Variants in LYRM4 observed in about 807,000 individuals in gnomAD.
LYRM4 encodes the protein LYR motif containing 4, also known as LYR motif-containing protein 4.
LYRM4 carries 9 observed loss-of-function variants against 11.7 expected under a neutral mutation model. The ratio of observed to expected loss-of-function variants is 0.77; its 90% CI spans 0.46 to 1.34. The LOEUF is 1.34. Among genes scored for constraint, LYRM4 ranks in the 40% most tolerant of loss-of-function variants. The pLI is 0.00. For missense variants in LYRM4, 133 were observed against 112.5 expected (o/e 1.18, Z -0.82); for synonymous variants, 42 against 40.4 (o/e 1.04, Z -0.15).
the LYRM4 span, chr6:5,066,030 AT>A: frequency 2.8e-6 from 1 of 355,938 alleles, no homozygotes; most frequent in Admixed American, 3.7e-5. Flanking sequence ...GAAAAAATAT[AT>A]TACAGTTAAT....
intron 1 of LYRM4, among the ~76,000 whole-genome samples, chr6:5,221,983 G>A (rs185877340): frequency 1.3e-5 from 2 of 152,318 alleles, no homozygotes; most frequent in African/African-American, 2.4e-5. Flanking sequence ...TATGGTGTGT[G>A]TATGTGTGTA....
At position 5,245,105 on chromosome 6, in the gene LYRM4, AAAAAAAAAATATATATATATATATATAT is replaced by A. The variant is rs1421876764; in HGVS notation, c.86+15515_86+15542del. ...GGAAGACCTTAAAAAAAAAAAAAAAAAAAAAAAAATATATATATATATATATATATATATATATATATATATATATATA... is the reference window on the plus strand; with the variant it reads ...GGAAGACCTTAAAAAAAAAAAAAAAAATATATATATATATATATATATATA... On this transcript the variant is annotated intron_variant, in intron 1 of 2. Transcript: ENST00000330636. Among the ~76,000 whole-genome samples the A allele has an allele frequency of 8.9e-3, 507 of 56,782 alleles. 18 individuals are homozygous for A. Among genetic ancestry groups the A allele is most frequent in the African/African-American group, 0.014 (212 of 14,682 alleles). 37.3% of individuals were successfully genotyped at this position (56,782 alleles called of 152,430 possible).
intron 1 of LYRM4, among the ~76,000 whole-genome samples, chr6:5,245,762 G>A (rs1327456034): frequency 1.3e-5 from 2 of 152,182 alleles, no homozygotes; most frequent in Non-Finnish European, 2.9e-5. Context: ...AACGTGTATG[G>A]GGCTGTGAAC....
chr6:5,074,335 A>C, the LYRM4 span, among the ~76,000 whole-genome samples: 6 of 151,932 alleles, frequency 3.9e-5, no homozygotes, highest in Admixed American at 3.3e-4. Flanking sequence ...AAGTTGGTAA[A>C]ATTTGTAAAT....
chr6:5,174,888 G>A (rs1234449789), intron 2 of LYRM4, among the ~76,000 whole-genome samples: 2 of 152,182 alleles, frequency 1.3e-5, no homozygotes, highest in African/African-American at 2.4e-5. Flanking sequence ...CTCTCTTTCA[G>A]TTTTATACAG....
intron 2 of LYRM4, among the ~76,000 whole-genome samples, chr6:5,111,362 T>A (rs1762873503): frequency 6.6e-6 from 1 of 152,228 alleles, no homozygotes; most frequent in African/African-American, 2.4e-5. Context: ...GTCCTAGAAG[T>A]GTCCACAATC....
At chr6:5,037,028 T>TTTTA in the LYRM4 span, among the ~76,000 whole-genome samples, 3 of 11,604 alleles carry the variant, frequency 2.6e-4, 1 homozygote, top group African/African-American at 5.2e-4. Flanking sequence ...TTTTTTTTTT[T>TTTTA]ATTGATCATT....
At chr6:5,053,869 T>G in the LYRM4 span, among the ~76,000 whole-genome samples, 4 of 152,130 alleles carry the variant, frequency 2.6e-5, no homozygotes. Context: ...GCCTTCTGCC[T>G]ATTACAGTAA....
At chr6:5,074,622 CT>C in the LYRM4 span, among the ~76,000 whole-genome samples, 7,985 of 137,966 alleles carry the variant, frequency 0.058, 369 homozygotes, top group African/African-American at 0.14. Context: ...GCTTTTCTTT[CT>C]TTTTTTTTTT....
At chr6:5,123,731 G>A (rs1343359825) in intron 2 of LYRM4, among the ~76,000 whole-genome samples, 1 of 152,242 alleles carries the variant, frequency 6.6e-6, no homozygotes, top group Non-Finnish European at 1.5e-5. Flanking sequence ...CATGCCGATG[G>A]CCCACGGCAG....
At chr6:5,122,147 CAG>C (rs957922294) in intron 2 of LYRM4, among the ~76,000 whole-genome samples, 2 of 152,200 alleles carry the variant, frequency 1.3e-5, no homozygotes, top group Non-Finnish European at 2.9e-5. Flanking sequence ...CACCCATCCC[CAG>C]AAGACTTGTT....
At chr6:5,144,338 A>G in intron 2 of LYRM4, 2 of 1,508,732 alleles carry the variant, frequency 1.3e-6, no homozygotes, top group Non-Finnish European at 1.8e-6. Flanking sequence ...GCTTACGTGT[A>G]AGAAATATGT....
the LYRM4 span, among the ~76,000 whole-genome samples, chr6:5,049,772 C>T: frequency 0.015 from 2,245 of 151,768 alleles, 36 homozygotes; most frequent in Admixed American, 0.039. Flanking sequence ...CGGGTTCAAA[C>T]GATTCTCCTG....
At position 5,186,149 on chromosome 6, in the gene LYRM4, A is replaced by G. The variant is rs548469137; in HGVS notation, c.207+30469T>C. ...GAGGCAGTGAAGCTTATGAGTGCAAATGACCCTGCAGATAGAGGAGAAGGG... is the reference window on the plus strand; with the variant it reads ...GAGGCAGTGAAGCTTATGAGTGCAAGTGACCCTGCAGATAGAGGAGAAGGG... On this transcript the variant is annotated intron_variant, in intron 2 of 2. Transcript: ENST00000330636. Among the ~76,000 whole-genome samples, 3 of 152,242 alleles carry G rather than the reference A, an allele frequency of 2.0e-5. No individual in the cohort carries two copies. In the East Asian group the frequency reaches 5.8e-4, roughly 29 times the overall value.
chr6:5,097,769 GCAATGAAGGGAGA>G, the LYRM4 span, among the ~76,000 whole-genome samples: 1 of 152,310 alleles, frequency 6.6e-6, no homozygotes, highest in African/African-American at 2.4e-5. Flanking sequence ...TTCAACAGGA[GCAATGAAGGGAGA>G]CAAATATTCA....
the LYRM4 span, among the ~76,000 whole-genome samples, chr6:5,078,788 C>A: frequency 6.6e-6 from 1 of 152,146 alleles, no homozygotes; most frequent in Non-Finnish European, 1.5e-5. Flanking sequence ...GTTATAAGGG[C>A]ATTTTTCTTG....
chr6:5,220,651 G>A (rs1277616591), intron 1 of LYRM4, among the ~76,000 whole-genome samples: 3 of 152,138 alleles, frequency 2.0e-5, no homozygotes, highest in Admixed American at 1.3e-4. Context: ...GGTGTATTCC[G>A]GGAGCCTGCT....
At chr6:5,045,233 G>A in the LYRM4 span, among the ~76,000 whole-genome samples, 3 of 152,210 alleles carry the variant, frequency 2.0e-5, no homozygotes, top group Non-Finnish European at 4.4e-5. Flanking sequence ...CCATAGATGA[G>A]TGGATAACCA....
At chr6:5,205,418 C>G (rs2127710702) in intron 2 of LYRM4, among the ~76,000 whole-genome samples, 1 of 151,936 alleles carries the variant, frequency 6.6e-6, no homozygotes, top group African/African-American at 2.4e-5. Context: ...CAGAGGCTGG[C>G]CATAAAATAC....
Sources: allele counts gnomAD v4.1 joint callset (sites outside exome capture counted in the v4.1 genomes callset), GRCh38; gene constraint gnomAD v4.1.1; transcripts MANE v1.5; gene names NCBI Gene and HGNC (gene_info 2026-07-23, HGNC 2026-07-21).